The following REST variants were observed in gnomAD, a reference collection of about 807,000 sequenced individuals.
The protein encoded by REST is RE1-silencing transcription factor.
REST carries 1 observed loss-of-function variant against 30.4 expected under a neutral mutation model. The observed-to-expected ratio is 0.03, with a 90% CI of 0.01 to 0.16. The LOEUF (loss-of-function observed/expected upper bound fraction) is 0.16. REST is among the 10% of genes least tolerant of loss of function. The pLI, the probability that REST is intolerant of heterozygous loss-of-function variation, is 1.00. For synonymous variants in REST, 504 were observed against 451.1 expected (o/e 1.12, Z -1.49); for missense variants, 1,259 against 1,329.5 (o/e 0.95, Z 0.82).
chr4:56,932,402 A>G lies in REST; in HGVS notation c.*250A>G. On this transcript the variant is annotated 3_prime_UTR_variant, in exon 4 of 4. Coordinates refer to ENST00000309042, the MANE Select transcript of REST (RefSeq NM_005612.5). ...TGTGTTTAATTGAAATTAGAAGGCT[A>G]AGATGGTATAACAGCATTTTATTGC... The G allele has an allele frequency of 2.7e-6, 1 of 373,930 alleles. No homozygotes were observed. Among genetic ancestry groups the G allele is most frequent in the Non-Finnish European group, 4.8e-6 (1 of 208,982 alleles). The allele number at this position is 373,930 out of a possible 1,614,324, so 23.2% of individuals were successfully genotyped here. A position where few individuals can be genotyped will look rare whatever the true frequency, so the allele number is the denominator to read the frequency against.
Position 56,931,366 on chromosome 4 carries a change from C to G in REST, c.2508C>G (p.Val836=), listed in dbSNP as rs760148197. 1.2e-6 allele frequency: 2 copies of G among 1,614,220 alleles called. No individual in the cohort carries two copies. The highest frequency in any genetic ancestry group is 1.7e-6 in the Non-Finnish European group (2 of 1,180,046). ...GTGAAAGGGCACGGAAGGAGCAAGT[C>G]CTTATTGAAGTTGGCTTAGTGCCTG... The part of the protein sequence containing the change: ...MQSERARKEQ[V]LIEVGLVPVK... The change falls in exon 4 of 4, where the codon GTC becomes GTG. Residue 836 remains valine (V), a synonymous_variant. Transcript: ENST00000309042.
rs1447945816 is a variant in REST at position 56,935,544 on chromosome 4, T to G, written c.*3392T>G. The G allele has an allele frequency of 6.6e-6, 1 of 152,234 alleles. No individual in the cohort carries two copies. Among genetic ancestry groups the G allele is most frequent in the Admixed American group, 6.5e-5 (1 of 15,282 alleles). The allele number at this position is 152,234 out of a possible 1,614,324, so 9.4% of individuals were successfully genotyped here. On this transcript the variant is annotated 3_prime_UTR_variant, in exon 4 of 4. Transcript: ENST00000309042. ...GGCATTGAAACATTACAACAATGTT[T>G]TGTTGCACCAATTTTATAAACTTAA...
At chr4:56,918,871 A>G (rs753232306) in intron 2 of REST, among the ~76,000 whole-genome samples, 10 of 151,732 alleles carry the variant, frequency 6.6e-5, no homozygotes, top group Non-Finnish European at 1.2e-4. Flanking sequence ...AGGTCTTGCT[A>G]TGTTGCCCAG....
At chr4:56,921,193 T>G (rs1720434641) in intron 3 of REST, among the ~76,000 whole-genome samples, 2 of 152,034 alleles carry the variant, frequency 1.3e-5, no homozygotes, top group African/African-American at 2.4e-5. Context: ...GAATACAGAT[T>G]TAGAATGTAT....
rs1386073119 is a variant in REST at position 56,932,294 on chromosome 4, T to G, written c.*142T>G. The G allele has an allele frequency of 9.4e-6, 8 of 849,590 alleles. No individual in the cohort carries two copies. The highest frequency in any genetic ancestry group is 1.4e-5 in the Non-Finnish European group (8 of 565,164). The allele number at this position is 849,590 out of a possible 1,614,324, so 52.6% of individuals were successfully genotyped here. On this transcript the variant is annotated 3_prime_UTR_variant, in exon 4 of 4. Coordinates refer to ENST00000309042, the MANE Select transcript of REST (RefSeq NM_005612.5). Reference sequence around the variant, plus strand: ...TAAGTGGCATTCTTTTCCTTAGGACTTTTTATGTATACCTGTTGATTGTTG... The same window carrying G: ...TAAGTGGCATTCTTTTCCTTAGGACGTTTTATGTATACCTGTTGATTGTTG...
Position 56,931,537 on chromosome 4 carries a change from T to A in REST, c.2679T>A (p.Pro893=). The A allele has an allele frequency of 6.2e-7, 1 of 1,614,180 alleles. No individual in the cohort carries two copies. Among genetic ancestry groups the A allele is most frequent in the Non-Finnish European group, 8.5e-7 (1 of 1,180,026 alleles). The change falls in exon 4 of 4, where the codon CCT becomes CCA. Residue 893 remains proline, a synonymous_variant. Transcript: ENST00000309042. ...CAGGTGAAGGAAATAAAGAAGCCCC[T>A]CTTCAGAAAGTAGGAGCAGAAGAGG... The part of the protein sequence containing the change: ...LNTGEGNKEA[P]LQKVGAEEAD...
At chr4:56,910,588 T>C in intron 1 of REST, 42 bp from the exon 2 acceptor site, 1 of 1,501,062 alleles carries the variant, frequency 6.7e-7, no homozygotes, top group South Asian at 1.3e-5. Context: ...GTAACAGTAG[T>C]GTTTAAACTG....
intron 2 of REST, among the ~76,000 whole-genome samples, chr4:56,912,388 T>C (rs1242564785): frequency 6.7e-6 from 1 of 148,348 alleles, no homozygotes; most frequent in Non-Finnish European, 1.5e-5. Flanking sequence ...TCGCCCAGGC[T>C]GGAGTGCAGT....
Position 56,926,217 on chromosome 4 carries a change from G to A in REST, c.983-3624G>A, listed in dbSNP as rs574695242. On this transcript the variant is annotated intron_variant, in intron 3 of 3. Coordinates refer to ENST00000309042, the MANE Select transcript of REST (RefSeq NM_005612.5). ...TGGGATTACAGGCATGCACCACCAC[G>A]CCTGGCTAAGTTTTTGTATCTTTAG... Among the ~76,000 whole-genome samples the A allele has an allele frequency of 1.5e-3, 224 of 151,596 alleles. 1 individual carries two copies. The highest frequency in any genetic ancestry group is 5.2e-3 in the African/African-American group (214 of 41,332).
At position 56,932,475 on chromosome 4, in the gene REST, T is replaced by C; in HGVS notation, c.*323T>C. 1 of 191,438 alleles carries C rather than the reference T, an allele frequency of 5.2e-6. No individual in the cohort carries two copies. The highest frequency in any genetic ancestry group is 1.1e-5 in the Non-Finnish European group (1 of 94,610). 11.9% of individuals were successfully genotyped at this position (191,438 alleles called of 1,614,324 possible). A position where few individuals can be genotyped will look rare whatever the true frequency, so the allele number is the denominator to read the frequency against. Reference sequence around the variant, plus strand: ...TTTTTTTCTCCATGTCTTATCTTCCTGTTTCACTTTAGTTTATTCTTCGTT... The same window carrying C: ...TTTTTTTCTCCATGTCTTATCTTCCCGTTTCACTTTAGTTTATTCTTCGTT... On this transcript the variant is annotated 3_prime_UTR_variant, in exon 4 of 4. Transcript: ENST00000309042.
chr4:56,919,989 CAG>C (rs1166592753), intron 3 of REST, 119 bp downstream of exon 3: 1 of 457,912 alleles, frequency 2.2e-6, no homozygotes, highest in Non-Finnish European at 3.7e-6. Flanking sequence ...ATTTAGAAGT[CAG>C]AATTTAAAAA....
At position 56,911,097 on chromosome 4, in the gene REST, C is replaced by T. The variant is rs993386063; in HGVS notation, c.459C>T (p.Ser153=). 5.0e-6 allele frequency: 8 copies of T among 1,614,068 alleles called. No homozygotes were observed. In the African/African-American group the frequency reaches 8.0e-5, roughly 16 times the overall value. ...CTGGAGCGGAGGACAAAGGCAAGAG[C>T]TCGAAGACCAAACCCTTTCGCTGTA... ...ETPGAEDKGK[S]SKTKPFRCKP... The change falls in exon 2 of 4, where the codon AGC becomes AGT. Residue 153 remains serine (S), a synonymous_variant. Transcript: ENST00000309042.
intron 3 of REST, 157 bp downstream of exon 3, chr4:56,920,027 C>T (rs2109546727): frequency 2.4e-6 from 1 of 413,406 alleles, no homozygotes; most frequent in Non-Finnish European, 4.3e-6. Flanking sequence ...TCTGGGGATT[C>T]CTAACATGGA....
At position 56,933,043 on chromosome 4, in the gene REST, T is replaced by C. The variant is rs1721028745; in HGVS notation, c.*891T>C. ...AATATGCAGGTTCAATCTATTGATT[T>C]TGATTTTTACATCTTATATCTATGC... On this transcript the variant is annotated 3_prime_UTR_variant, in exon 4 of 4. Coordinates refer to ENST00000309042, the MANE Select transcript of REST (RefSeq NM_005612.5). The C allele has an allele frequency of 6.6e-6, 1 of 151,228 alleles. No homozygotes were observed. Among genetic ancestry groups the C allele is most frequent in the Non-Finnish European group, 1.5e-5 (1 of 67,672 alleles). The allele number at this position is 151,228 out of a possible 1,614,324, so 9.4% of individuals were successfully genotyped here.
At chr4:56,909,689 T>C (rs1414564178) in intron 1 of REST, 1 of 152,266 alleles carries the variant, frequency 6.6e-6, no homozygotes, top group Non-Finnish European at 1.5e-5. Context: ...CTTACTTTTT[T>C]TAATTTGCGA....
In REST at chr4:56,931,476, G is replaced by A; in HGVS notation, c.2618G>A (p.Arg873Lys). The change falls in exon 4 of 4, where the codon AGA (arginine) becomes AAA (lysine). Residue 873 changes from arginine to lysine, a missense_variant. Coordinates refer to ENST00000309042, the MANE Select transcript of REST (RefSeq NM_005612.5). ...PSPPLPKENL[R>K]EEASGDQKLL... The stretch of plus-strand genomic sequence containing the variant: ...CCACCACTGCCAAAGGAAAATTTAA[G>A]AGAAGAGGCATCAGGAGACCAAAAA... 1 of 1,614,142 alleles carries A rather than the reference G, an allele frequency of 6.2e-7. No homozygotes were observed. The highest frequency in any genetic ancestry group is 8.5e-7 in the Non-Finnish European group (1 of 1,180,020).
At chr4:56,925,851 C>T (rs377659626) in intron 3 of REST, among the ~76,000 whole-genome samples, 1 of 152,198 alleles carries the variant, frequency 6.6e-6, no homozygotes, top group African/African-American at 2.4e-5. Context: ...TCTACATCCT[C>T]CCTTTCCGTT....
At chr4:56,914,559 C>G (rs1209770875) in intron 2 of REST, among the ~76,000 whole-genome samples, 2 of 152,186 alleles carry the variant, frequency 1.3e-5, no homozygotes, top group African/African-American at 4.8e-5. Context: ...GGGGACACAA[C>G]CCCATTAATC....
In REST at chr4:56,930,352, G is replaced by A. The variant is rs1270059319; in HGVS notation, c.1494G>A (p.Glu498=). The change falls in exon 4 of 4, where the codon GAG becomes GAA. Residue 498 remains glutamate (E), a synonymous_variant. Coordinates refer to ENST00000309042, the MANE Select transcript of REST (RefSeq NM_005612.5). ...CCAGAACTCGAAAATCAGTAACAGA[G>A]GTGAAAGAGATGGATGTGCATACAG... ...VTTRTRKSVT[E]VKEMDVHTGS... The A allele has an allele frequency of 5.6e-6, 9 of 1,614,050 alleles. No individual in the cohort carries two copies. Among genetic ancestry groups the A allele is most frequent in the Non-Finnish European group, 7.6e-6 (9 of 1,180,034 alleles).
Sources: allele counts gnomAD v4.1 joint callset (sites outside exome capture counted in the v4.1 genomes callset), GRCh38; gene constraint gnomAD v4.1.1; transcripts MANE v1.5; gene names NCBI Gene and HGNC (gene_info 2026-07-23, HGNC 2026-07-21).